The following BOD1L1 variants were observed in gnomAD, a reference collection of about 807,000 sequenced individuals.
BOD1L1 encodes the protein biorientation of chromosomes in cell division protein 1-like 1.
Under a neutral mutation model 240.7 loss-of-function variants are expected in BOD1L1, and 86 were observed. The ratio of observed to expected loss-of-function variants is 0.36; its 90% CI spans 0.30 to 0.43. BOD1L1 has a LOEUF of 0.43. Ranked by LOEUF, BOD1L1 falls within the 20% of genes least tolerant of loss-of-function variation. BOD1L1 has a pLI of 1.00. For missense variants in BOD1L1, 3,554 were observed against 3,643.5 expected, an observed-to-expected ratio of 0.98 and a Z score of 0.63; for synonymous variants, 1,268 against 1,272.3, an observed-to-expected ratio of 1.00 and a Z score of 0.07.
At position 13,588,821 on chromosome 4, in the gene BOD1L1, A is replaced by G. The variant is rs1261692890; in HGVS notation, c.8210-29T>C. ...AGTAATAAATACAAAAAAGAAAAAA[A>G]AATCTTAAATATTTTTATATTCCAA... On this transcript the variant is annotated intron_variant, in intron 14 of 25. Coordinates refer to ENST00000040738, the MANE Select transcript of BOD1L1 (RefSeq NM_148894.3). 2.7e-6 allele frequency: 4 copies of G among 1,468,974 alleles called. No individual in the cohort carries two copies. In the East Asian group the frequency reaches 9.9e-5, roughly 36 times the overall value. 91.0% of individuals were successfully genotyped at this position (1,468,974 alleles called of 1,614,324 possible).
chr4:13,579,873 A>T, intron 22 of BOD1L1, 55 bp downstream of exon 22: 1 of 1,418,208 alleles, frequency 7.1e-7, no homozygotes, highest in Non-Finnish European at 9.6e-7. Flanking sequence ...TCCAACAGCC[A>T]GCCTCTCCTG....
chr4:13,572,599 T>C (rs1712304571), intron 25 of BOD1L1: 1 of 1,101,324 alleles, frequency 9.1e-7, no homozygotes, highest in Non-Finnish European at 1.2e-6. Context: ...AAAACAGTTA[T>C]TTGGTGAGAC....
Position 13,576,980 on chromosome 4 carries a change from G to T in BOD1L1, c.8896C>A (p.Pro2966Thr). 3 of 1,613,730 alleles carry T rather than the reference G, an allele frequency of 1.9e-6. No homozygotes were observed. Among genetic ancestry groups the T allele is most frequent in the Non-Finnish European group, 1.7e-6 (2 of 1,179,812 alleles). ...ACTGATTTCTGGCGTTTTCTTTCTG[G>T]CTCTGAGGATTCTGTTCAAATAGAA... ...TVSDDAESSEPERKRQKSVSD... is the reference protein window; with the variant it reads ...TVSDDAESSETERKRQKSVSD... The change falls in exon 25 of 26, where the codon CCA becomes ACA. Residue 2966 changes from proline (P) to threonine (T), a missense_variant. Physicochemically the swap from Pro to Thr is conservative, Grantham distance 38. Transcript: ENST00000040738.
At chr4:13,605,135 G>A (rs1292547991) in intron 9 of BOD1L1, 51 bp from the exon 10 acceptor site, 1 of 1,370,366 alleles carries the variant, frequency 7.3e-7, no homozygotes, top group Non-Finnish European at 9.6e-7. Context: ...TCAATTTTTA[G>A]ATTAAAACAT....
chr4:13,600,185 C>T lies in BOD1L1; in HGVS notation c.6715G>A (p.Glu2239Lys). ...ASVSGVVVESENERAGTVMEE... is the reference protein window; with the variant it reads ...ASVSGVVVESKNERAGTVMEE... ...ATGACTGTGCCAGCTCGCTCATTTT[C>T]ACTTTCAACAACTACACCGGAAACA... Residue 2239 changes from glutamate to lysine, a missense_variant, in exon 10 of 26, where the codon GAA (glutamate) becomes AAA (lysine). Coordinates refer to ENST00000040738, the MANE Select transcript of BOD1L1 (RefSeq NM_148894.3). The T allele has an allele frequency of 6.2e-7, 1 of 1,613,970 alleles. No homozygotes were observed. Among genetic ancestry groups the T allele is most frequent in the Non-Finnish European group, 8.5e-7 (1 of 1,179,870 alleles).
At position 13,617,242 on chromosome 4, in the gene BOD1L1, C is replaced by CAA. The variant is rs35905517; in HGVS notation, c.369-1742_369-1741dup. 9.9e-3 allele frequency among the ~76,000 whole-genome samples: 1,144 copies of CAA among 116,002 alleles called. 14 individuals are homozygous for CAA. The highest frequency in any genetic ancestry group is 0.023 in the African/African-American group (615 of 26,442). The allele number at this position is 116,002 out of a possible 152,430, so 76.1% of individuals were successfully genotyped here. On this transcript the variant is annotated intron_variant, in intron 2 of 25. Transcript: ENST00000040738. ...CCTGGCGACAGAGCGAACTCCGTCT[C>CAA]AAAAAAAAAAAAAAAAATAGAAAAT...
rs556784545 is a variant in BOD1L1, at chr4:13,604,718, G to A, written c.2182C>T (p.Pro728Ser). 1 of 1,604,612 alleles carries A rather than the reference G, an allele frequency of 6.2e-7. No homozygotes were observed. The highest frequency in any genetic ancestry group is 8.5e-7 in the Non-Finnish European group (1 of 1,177,816). Residue 728 changes from proline to serine, a missense_variant, in exon 10 of 26, where the codon CCT becomes TCT. By Grantham distance (74) the Pro-to-Ser change is moderately conservative (BLOSUM62 -1). Coordinates refer to ENST00000040738, the MANE Select transcript of BOD1L1 (RefSeq NM_148894.3). ...KKEVKSSKEKPEREKTPSEDK... is the reference protein window; with the variant it reads ...KKEVKSSKEKSEREKTPSEDK... ...TCCGATGGAGTTTTCTCTCTTTCAGGCTTCTCCTTGGAGGATTTCACCTCT... is the reference window on the plus strand; with the variant it reads ...TCCGATGGAGTTTTCTCTCTTTCAGACTTCTCCTTGGAGGATTTCACCTCT...
In BOD1L1 at chr4:13,602,149, G is replaced by GTGCA; in HGVS notation, c.4747_4750dup (p.Thr1584MetfsTer8). The GTGCA allele has an allele frequency of 6.2e-7, 1 of 1,613,980 alleles. No homozygotes were observed. The highest frequency in any genetic ancestry group is 8.5e-7 in the Non-Finnish European group (1 of 1,179,886). On this transcript the variant is annotated frameshift_variant, in exon 10 of 26. Coordinates refer to ENST00000040738, the MANE Select transcript of BOD1L1 (RefSeq NM_148894.3). LOFTEE classifies it high-confidence loss of function. ...ACCTTCTTCAGCTGCAGCAAAAACA[G>GTGCA]TGCATTCACTGGCTTCTGCACCAAC...
chr4:13,605,715 T>C (rs1014883619), intron 9 of BOD1L1, among the ~76,000 whole-genome samples: 1 of 152,186 alleles, frequency 6.6e-6, no homozygotes, highest in African/African-American at 2.4e-5. Context: ...TACTGAAATA[T>C]AGATTTCCTA....
chr4:13,599,491 T>C lies in BOD1L1; in HGVS notation c.7409A>G (p.Gln2470Arg), dbSNP rs201717509. Reference sequence around the variant, plus strand: ...TGTCTCTGGGCTCTTATCTTCTTTCTGAAGGGAGTTCAACAATACATTCTT... The same window carrying C: ...TGTCTCTGGGCTCTTATCTTCTTTCCGAAGGGAGTTCAACAATACATTCTT... ...EEKNVLLNSL[Q>R]KEDKSPETGT... The change falls in exon 10 of 26, where the codon CAG (glutamine) becomes CGG (arginine). Residue 2470 changes from glutamine (Q) to arginine (R), a missense_variant. Physicochemically the swap from Gln to Arg is conservative, Grantham distance 43. Coordinates refer to ENST00000040738, the MANE Select transcript of BOD1L1 (RefSeq NM_148894.3). 1.2e-4 allele frequency: 188 copies of C among 1,614,032 alleles called. No individual in the cohort carries two copies. Among genetic ancestry groups the C allele is most frequent in the Admixed American group, 3.0e-4 (18 of 60,024 alleles).
At chr4:13,611,151 T>C in intron 5 of BOD1L1, 51 bp from the exon 6 acceptor site, 2 of 1,370,908 alleles carry the variant, frequency 1.5e-6, no homozygotes, top group Non-Finnish European at 2.0e-6. Context: ...TAGCATAAAA[T>C]CAACATTATG....
rs183317879 is a variant in BOD1L1, at chr4:13,589,835, A to C, written c.8209+551T>G. ...TATACATTATAAAAATAACTGTCTA[A>C]GTAAATAAGCCTCTCTCCCCACTCC... On this transcript the variant is annotated intron_variant, in intron 14 of 25. Coordinates refer to ENST00000040738, the MANE Select transcript of BOD1L1 (RefSeq NM_148894.3). Among the ~76,000 whole-genome samples the C allele has an allele frequency of 3.1e-3, 476 of 152,340 alleles. 4 individuals carry two copies. The highest frequency in any genetic ancestry group is 4.6e-3 in the Non-Finnish European group (312 of 68,040).
intron 19 of BOD1L1, 127 bp downstream of exon 19, chr4:13,582,110 T>C (rs1398981827): frequency 8.9e-6 from 6 of 671,408 alleles, no homozygotes; most frequent in African/African-American, 1.8e-5. Context: ...TGGTGTTCCA[T>C]TGCACTAAAA....
At position 13,600,367 on chromosome 4, in the gene BOD1L1, C is replaced by T; in HGVS notation, c.6533G>A (p.Arg2178Lys). Residue 2178 changes from arginine (R) to lysine (K), a missense_variant, in exon 10 of 26, where the codon AGG becomes AAG. Transcript: ENST00000040738. ...LQPVAAAVEERATGPVLISTA... is the reference protein window; with the variant it reads ...LQPVAAAVEEKATGPVLISTA... ...GCTTATCAAGACTGGACCTGTAGCC[C>T]TTTCTTCCACTGCTGCAGCAACCGG... The T allele has an allele frequency of 6.2e-7, 1 of 1,614,000 alleles. No homozygotes were observed. The highest frequency in any genetic ancestry group is 2.2e-5 in the East Asian group (1 of 44,870).
At chr4:13,578,757 T>A (rs576433718) in intron 22 of BOD1L1, among the ~76,000 whole-genome samples, 1 of 152,164 alleles carries the variant, frequency 6.6e-6, no homozygotes, top group African/African-American at 2.4e-5. Context: ...AGTATTATGA[T>A]CCCAGCCTAT....
At chr4:13,577,272 C>A (rs1712831147) in intron 24 of BOD1L1, 131 bp downstream of exon 24, 1 of 813,044 alleles carries the variant, frequency 1.2e-6, no homozygotes, top group African/African-American at 1.7e-5. Flanking sequence ...CGGGATTAGA[C>A]CTATTTCACA....
At chr4:13,585,931 A>C (rs552031768) in intron 17 of BOD1L1, among the ~76,000 whole-genome samples, 11 of 152,322 alleles carry the variant, frequency 7.2e-5, no homozygotes, top group South Asian at 4.1e-4. Flanking sequence ...ACCGTGAGTC[A>C]ATTAAACCTC....
Position 13,627,329 on chromosome 4 carries a change from C to T in BOD1L1, c.243+16G>A. On this transcript the variant is annotated intron_variant, in intron 1 of 25. Transcript: ENST00000040738. ...CCCCTTCCCTCGCAGACCCCCAAAC[C>T]CGGCGCGCTCCTAACCTTGGTGTCC... 3.1e-6 allele frequency: 4 copies of T among 1,285,684 alleles called. No homozygotes were observed. The highest frequency in any genetic ancestry group is 1.5e-5 in the African/African-American group (1 of 65,670). 79.6% of individuals were successfully genotyped at this position (1,285,684 alleles called of 1,614,324 possible).
chr4:13,591,252 G>C (rs1714187524), intron 13 of BOD1L1, among the ~76,000 whole-genome samples: 1 of 151,984 alleles, frequency 6.6e-6, no homozygotes, highest in African/African-American at 2.4e-5. Context: ...ACCAAGTGGT[G>C]CTTTTCTCTT....
Sources: gnomAD v4.1 joint callset for allele counts (sites outside exome capture counted in the v4.1 genomes callset) on GRCh38, gnomAD v4.1.1 for gene constraint, MANE v1.5 for transcripts, NCBI Gene and HGNC (gene_info 2026-07-23, HGNC 2026-07-21) for gene names.